ZNF841: variants seen among roughly 807,000 people sequenced by gnomAD.
ZNF841 encodes TCONS_00006091.
Under a neutral mutation model 13.0 loss-of-function variants are expected in ZNF841, and 11 were observed. The ratio of observed to expected loss-of-function variants is 0.85; its 90% CI spans 0.53 to 1.40. The LOEUF (loss-of-function observed/expected upper bound fraction) is 1.40. ZNF841 is among the 40% of genes most tolerant of loss of function. The pLI is 0.00. For synonymous variants in ZNF841, 369 were observed against 381.6 expected, an observed-to-expected ratio of 0.97 and a Z score of 0.38; for missense variants, 1,068 against 1,139.5, an observed-to-expected ratio of 0.94 and a Z score of 0.90.
intron 6 of ZNF841, among the ~76,000 whole-genome samples, chr19:52,070,950 G>A (rs2087721366): frequency 6.6e-6 from 1 of 152,156 alleles, no homozygotes; most frequent in Admixed American, 6.5e-5. Context: ...AGGCCCAGGA[G>A]GACAAAGGGC....
At chr19:52,059,759 A>G (rs1376648672), downstream of ZNF841, among the ~76,000 whole-genome samples, 1 of 152,182 alleles carries the variant, frequency 6.6e-6, no homozygotes, top group Non-Finnish European at 1.5e-5. Flanking sequence ...TAACGTCCTT[A>G]AGCTAAATTG....
chr19:52,090,705 A>AAGAG (rs756981645), intron 2 of ZNF841, among the ~76,000 whole-genome samples: 51 of 132,018 alleles, frequency 3.9e-4, no homozygotes, highest in African/African-American at 1.1e-3. Flanking sequence ...GAAAGAAAGA[A>AAGAG]AGAGAAAGAA....
rs568497483 is a variant in ZNF841 at position 52,064,890 on chromosome 19, T to G, written c.*217A>C. 4 of 357,308 alleles carry G rather than the reference T, an allele frequency of 1.1e-5. No homozygotes were observed. In the Admixed American group the frequency reaches 1.3e-4, roughly 12 times the overall value. 22.1% of individuals were successfully genotyped at this position (357,308 alleles called of 1,614,324 possible). On this transcript the variant is annotated 3_prime_UTR_variant, in exon 7 of 7. Coordinates refer to ENST00000594440, the MANE Select transcript of ZNF841 (RefSeq NM_001136499.2). ...CTCAAGTGATCCGCCCACCTCAGCCTCCCAAAGTGCTGGGATTACAGGCAT... is the reference window on the plus strand; with the variant it reads ...CTCAAGTGATCCGCCCACCTCAGCCGCCCAAAGTGCTGGGATTACAGGCAT...
intron 1 of ZNF841, among the ~76,000 whole-genome samples, 188 bp downstream of exon 1, chr19:52,095,387 G>A (rs1044610604): frequency 3.3e-5 from 5 of 152,160 alleles, no homozygotes; most frequent in Non-Finnish European, 7.3e-5. Context: ...AGGAGCTCGG[G>A]GATCGCGAAG....
Position 52,065,327 on chromosome 19 carries a change from A to G in ZNF841, c.2555T>C (p.Met852Thr). Residue 852 changes from methionine (M) to threonine (T), a missense_variant, in exon 7 of 7, where the codon ATG (methionine) becomes ACG (threonine). Physicochemically the swap from Met to Thr is moderately conservative, Grantham distance 81. Transcript: ENST00000594440. Reference protein sequence around the residue: ...NHTGEKPYKCMECGKAFGRRS... With the variant: ...NHTGEKPYKCTECGKAFGRRS... The stretch of plus-strand genomic sequence containing the variant: ...CCGCCCAAACGCCTTGCCACATTCC[A>G]TACATTTGTATGGCTTCTCTCCAGT... 1 of 1,610,402 alleles carries G rather than the reference A, an allele frequency of 6.2e-7. No individual in the cohort carries two copies. Among genetic ancestry groups the G allele is most frequent in the South Asian group, 1.1e-5 (1 of 90,828 alleles).
At chr19:52,090,651 G>A (rs2088444998) in intron 2 of ZNF841, among the ~76,000 whole-genome samples, 1 of 118,854 alleles carries the variant, frequency 8.4e-6, no homozygotes, top group Non-Finnish European at 1.7e-5. Flanking sequence ...AGGAAGGAAG[G>A]AAGGAAAGAA....
At position 52,066,411 on chromosome 19, in the gene ZNF841, C is replaced by T; in HGVS notation, c.1471G>A (p.Gly491Ser). ...TGTGAATGTTGACTGAAGACCTTGC[C>T]ACATTCATTACATTTGTAGGGTTTC... ...GEKPYKCNECGKVFSQHSHLA... is the reference protein window; with the variant it reads ...GEKPYKCNECSKVFSQHSHLA... Residue 491 changes from glycine to serine, a missense_variant, in exon 7 of 7, where the codon GGC (glycine) becomes AGC (serine). Physicochemically the swap from Gly to Ser is moderately conservative, Grantham distance 56. Transcript: ENST00000594440. 6.2e-7 allele frequency: 1 copy of T among 1,614,050 alleles called. No individual in the cohort carries two copies.
chr19:52,084,666 G>C, intron 4 of ZNF841, 121 bp downstream of exon 4: 1 of 1,049,054 alleles, frequency 9.5e-7, no homozygotes, highest in Non-Finnish European at 1.4e-6. Context: ...AGGAAGGCAT[G>C]GGTGAGTGCG....
Position 52,067,494 on chromosome 19 carries a change from A to G in ZNF841, c.388T>C (p.Tyr130His). 6.3e-7 allele frequency: 1 copy of G among 1,577,116 alleles called. No homozygotes were observed. ...AGATTTTTCCGGATTTCCCTGAAGT[A>G]AAAATTTTCAGTGTCATAGCTTTCA... Reference protein sequence around the residue: ...GHESYDTENFYFREIRKNLQE... With the variant: ...GHESYDTENFHFREIRKNLQE... Residue 130 changes from tyrosine to histidine, a missense_variant, in exon 7 of 7, where the codon TAC becomes CAC. Physicochemically the swap from Tyr to His is moderately conservative, Grantham distance 83. Transcript: ENST00000594440.
In ZNF841 at chr19:52,067,136, G is replaced by C; in HGVS notation, c.746C>G (p.Thr249Arg). The C allele has an allele frequency of 6.4e-7, 1 of 1,560,346 alleles. No homozygotes were observed. The highest frequency in any genetic ancestry group is 1.4e-5 in the African/African-American group (1 of 73,468). ...CCTAATATGTGTTTTCTCGTCTTGTGTAGGTAACGAAAGTTGCAAAAAATC... is the reference window on the plus strand; with the variant it reads ...CCTAATATGTGTTTTCTCGTCTTGTCTAGGTAACGAAAGTTGCAAAAAATC... ...GNDFLQLSLP[T>R]QDEKTHIREK... Residue 249 changes from threonine to arginine, a missense_variant, in exon 7 of 7, where the codon ACA (threonine) becomes AGA (arginine). By Grantham distance (71) the Thr-to-Arg change is moderately conservative. Transcript: ENST00000594440.
At chr19:52,059,586 A>T (rs979679784), downstream of ZNF841, among the ~76,000 whole-genome samples, 1 of 151,832 alleles carries the variant, frequency 6.6e-6, no homozygotes, top group African/African-American at 2.4e-5. Context: ...AAAACACAAC[A>T]TGCTAATTAT....
At chr19:52,090,654 G>GGAAAGAAAGAAAGAAAGAAAAGAAAGAAA (rs2088447407) in intron 2 of ZNF841, among the ~76,000 whole-genome samples, 1 of 84,590 alleles carries the variant, frequency 1.2e-5, no homozygotes, top group African/African-American at 6.0e-5. Flanking sequence ...AAGGAAGGAA[G>GGAAAGAAAGAAAGAAAGAAAAGAAAGAAA]GAAAGAAAGA....
At position 52,065,042 on chromosome 19, in the gene ZNF841, C is replaced by CTA; in HGVS notation, c.*63_*64dup. Reference sequence around the variant, plus strand: ...GCTCCACCTCCAATACTGGAGATTACTACAATTCCACATGAGACTTCAAAG... The same window carrying CTA: ...GCTCCACCTCCAATACTGGAGATTACTATACAATTCCACATGAGACTTCAAAG... On this transcript the variant is annotated 3_prime_UTR_variant, in exon 7 of 7. Coordinates refer to ENST00000594440, the MANE Select transcript of ZNF841 (RefSeq NM_001136499.2). 7.3e-7 allele frequency: 1 copy of CTA among 1,371,554 alleles called. No individual in the cohort carries two copies. Among genetic ancestry groups the CTA allele is most frequent in the Non-Finnish European group, 9.7e-7 (1 of 1,032,410 alleles). 85.0% of individuals were successfully genotyped at this position (1,371,554 alleles called of 1,614,324 possible). A position where few individuals can be genotyped will look rare whatever the true frequency, so the allele number is the denominator to read the frequency against.
Position 52,065,232 on chromosome 19 carries a change from T to C in ZNF841, c.2650A>G (p.Lys884Glu). 6.2e-7 allele frequency: 1 copy of C among 1,613,898 alleles called. No homozygotes were observed. ...EKPYKCNECG[K>E]SYISRSGLTK... ...AGGCCTGAGCGACTAATGTAAGATT[T>C]GCCACACTCATTACATTTATAAGGT... Residue 884 changes from lysine (K) to glutamate (E), a missense_variant, in exon 7 of 7, where the codon AAA (lysine) becomes GAA (glutamate). By Grantham distance (56) the Lys-to-Glu change is moderately conservative. Transcript: ENST00000594440.
intron 4 of ZNF841, among the ~76,000 whole-genome samples, chr19:52,081,915 G>A (rs1486871097): frequency 1.3e-5 from 2 of 152,094 alleles, no homozygotes; most frequent in African/African-American, 4.8e-5. Flanking sequence ...TGAAAAATTC[G>A]CTAGATGAAT....
At position 52,066,067 on chromosome 19, in the gene ZNF841, G is replaced by C. The variant is rs749219773; in HGVS notation, c.1815C>G (p.Val605=). 4 of 1,614,012 alleles carry C rather than the reference G, an allele frequency of 2.5e-6. No individual in the cohort carries two copies. In the East Asian group the frequency reaches 6.7e-5, roughly 27 times the overall value. Reference sequence around the variant, plus strand: ...TTGAAAGGTTTCCACTGTCAATGAAGACCTTGCCACACACATTACATTTGT... The same window carrying C: ...TTGAAAGGTTTCCACTGTCAATGAACACCTTGCCACACACATTACATTTGT... ...KPYKCNVCGK[V]FIDSGNLSIH... is the part of the protein sequence containing the mutation. Residue 605 remains valine, a synonymous_variant, in exon 7 of 7, where the codon GTC becomes GTG. Coordinates refer to ENST00000594440, the MANE Select transcript of ZNF841 (RefSeq NM_001136499.2).
intron 4 of ZNF841, among the ~76,000 whole-genome samples, chr19:52,084,563 T>C (rs2088207115): frequency 6.6e-6 from 1 of 152,174 alleles, no homozygotes; most frequent in Admixed American, 6.5e-5. Flanking sequence ...GTGTGAGCCC[T>C]TCCCAGGACC....
intron 3 of ZNF841, among the ~76,000 whole-genome samples, chr19:52,088,180 T>C (rs16983434): frequency 0.38 from 57,554 of 151,754 alleles, 11,663 homozygotes; most frequent in South Asian, 0.6. Context: ...GGCAGTACAG[T>C]TCTGGGTTCC....
chr19:52,076,375 G>A (rs1335933200), intron 5 of ZNF841: 1 of 591,648 alleles, frequency 1.7e-6, no homozygotes, highest in African/African-American at 1.9e-5. Context: ...CAAAAACACA[G>A]GGATAGGCCA....
Sources: allele counts gnomAD v4.1 joint callset (sites outside exome capture counted in the v4.1 genomes callset), GRCh38; gene constraint gnomAD v4.1.1; transcripts MANE v1.5; gene names NCBI Gene and HGNC (gene_info 2026-07-23, HGNC 2026-07-21).